PCDHGA6: variants seen among roughly 807,000 people sequenced by gnomAD.
The protein encoded by PCDHGA6 is protocadherin gamma subfamily A, 6, also known as protocadherin gamma-A6.
PCDHGA6 carries 41 observed loss-of-function variants against 60.6 expected under a neutral mutation model. That is an observed-to-expected ratio of 0.68 (90% CI 0.53 to 0.88). PCDHGA6 has a LOEUF of 0.88. Among genes scored for constraint, PCDHGA6 ranks in the 40% least tolerant of loss-of-function variants. The pLI is 0.00. For synonymous variants in PCDHGA6, 594 were observed against 524.4 expected (o/e 1.13, Z -1.81); for missense variants, 1,312 against 1,203.0 (o/e 1.09, Z -1.34).
In PCDHGA6 at chr5:141,432,285, C is replaced by A; in HGVS notation, c.2424+55778C>A. On this transcript the variant is annotated intron_variant, in intron 1 of 3. Transcript: ENST00000517434. The surrounding 1 kb of genome is among the most constrained non-coding windows in gnomAD (Gnocchi z 6.0). ...CTATCGTCCTACGTGTCCATCAACTCCGACACTGGGGTACTGTATGCGCTG... is the reference window on the plus strand; with the variant it reads ...CTATCGTCCTACGTGTCCATCAACTACGACACTGGGGTACTGTATGCGCTG... The A allele has an allele frequency of 6.2e-7, 1 of 1,614,262 alleles. No homozygotes were observed. The highest frequency in any genetic ancestry group is 8.5e-7 in the Non-Finnish European group (1 of 1,180,052).
intron 1 of PCDHGA6, chr5:141,427,212 C>T (rs2097000434): frequency 4.4e-6 from 2 of 456,702 alleles, no homozygotes; most frequent in Non-Finnish European, 8.8e-6. Flanking sequence ...CTTCGAATTT[C>T]GTAGCAGTTA....
chr5:141,463,086 GC>G (rs1171354311), intron 1 of PCDHGA6, among the ~76,000 whole-genome samples: 1 of 152,098 alleles, frequency 6.6e-6, no homozygotes, highest in African/African-American at 2.4e-5. Context: ...ACATTTTCCA[GC>G]CCTATGTGAC....
At chr5:141,398,989 T>G (rs766277028) in intron 1 of PCDHGA6, 2 of 1,613,796 alleles carry the variant, frequency 1.2e-6, no homozygotes, top group Non-Finnish European at 1.7e-6. Flanking sequence ...CGGGCAAATC[T>G]TTAGTCTGAA....
intron 1 of PCDHGA6, chr5:141,400,533 C>A (rs1416453682): frequency 6.2e-7 from 1 of 1,613,900 alleles, no homozygotes; most frequent in Non-Finnish European, 8.5e-7. Context: ...TGGTGAGTTT[C>A]ATTTATGTCT....
In PCDHGA6 at chr5:141,432,009, G is replaced by A. The variant is rs1227754190; in HGVS notation, c.2424+55502G>A. ...GTCTTGGATAGGGAACAGGTTCCTA[G>A]CTACAACATCACAGTGACCGCCACT... On this transcript the variant is annotated intron_variant, in intron 1 of 3. Coordinates refer to ENST00000517434, the MANE Select transcript of PCDHGA6 (RefSeq NM_018919.3). The surrounding 1 kb of genome is among the most constrained non-coding windows in gnomAD (Gnocchi z 6.0). The A allele has an allele frequency of 1.2e-6, 2 of 1,614,188 alleles. No homozygotes were observed. The highest frequency in any genetic ancestry group is 1.7e-6 in the Non-Finnish European group (2 of 1,180,024).
chr5:141,393,481 C>T, intron 1 of PCDHGA6: 1 of 1,614,066 alleles, frequency 6.2e-7, no homozygotes. Context: ...CCGCCTCGCT[C>T]TAGCACAGTG....
chr5:141,441,565 C>T (rs1049476318), intron 1 of PCDHGA6: 62 of 200,838 alleles, frequency 3.1e-4, no homozygotes, highest in African/African-American at 1.4e-3. Context: ...CAAGTAGACA[C>T]CTCCAACCTA....
intron 1 of PCDHGA6, chr5:141,393,237 AT>A: frequency 1.2e-6 from 2 of 1,613,802 alleles, no homozygotes; most frequent in South Asian, 1.1e-5. Flanking sequence ...AGAAGTAAAA[AT>A]TAACGAAATC....
At chr5:141,505,650 T>C (rs1595974645) in intron 3 of PCDHGA6, among the ~76,000 whole-genome samples, 169 bp downstream of exon 3, 1 of 152,094 alleles carries the variant, frequency 6.6e-6, no homozygotes, top group East Asian at 1.9e-4. Flanking sequence ...GAATTGTGGC[T>C]AAGGAACAGC....
rs112808093 is a variant in PCDHGA6, at chr5:141,489,579, C to A, written c.2425-5228C>A. ...CAGTGCAGGTGGTGACTGAACACCC[C>A]CTGGAGCTAATCCGTGTAGAGGTAG... On this transcript the variant is annotated intron_variant, in intron 1 of 3. Coordinates refer to ENST00000517434, the MANE Select transcript of PCDHGA6 (RefSeq NM_018919.3). This position sits in a 1 kb window ranked among gnomAD's most constrained non-coding sequence, Gnocchi z 4.5. 1.2e-6 allele frequency: 2 copies of A among 1,613,922 alleles called. No individual in the cohort carries two copies. Among genetic ancestry groups the A allele is most frequent in the African/African-American group, 2.7e-5 (2 of 74,916 alleles).
rs1229219386 is a variant in PCDHGA6 at position 141,375,036 on chromosome 5, G to A, written c.953G>A (p.Gly318Asp). Reference protein sequence around the residue: ...DYEDSSFYELGVEARDGPGLR... With the variant: ...DYEDSSFYELDVEARDGPGLR... ...GAGGACTCGAGTTTTTATGAGCTGG[G>A]TGTTGAAGCCCGGGATGGGCCAGGT... is the stretch of plus-strand genomic sequence containing the variant. The change falls in exon 1 of 4, where the codon GGT (glycine) becomes GAT (aspartate). Residue 318 changes from glycine (G) to aspartate (D), a missense_variant. Transcript: ENST00000517434. 6 of 1,614,002 alleles carry A rather than the reference G, an allele frequency of 3.7e-6. No individual in the cohort carries two copies. Among genetic ancestry groups the A allele is most frequent in the Admixed American group, 1.7e-5 (1 of 60,034 alleles).
intron 1 of PCDHGA6, chr5:141,427,916 G>T: frequency 1.3e-6 from 2 of 1,578,854 alleles, no homozygotes; most frequent in East Asian, 2.2e-5. Flanking sequence ...GCGCCAACAT[G>T]AGCCGGCGCA....
intron 1 of PCDHGA6, chr5:141,418,445 T>C (rs2154547687): frequency 2.5e-6 from 4 of 1,614,038 alleles, no homozygotes; most frequent in East Asian, 2.2e-5. Context: ...AGAATTAGTA[T>C]TGCAGAAGAC....
intron 1 of PCDHGA6, chr5:141,419,926 G>T: frequency 6.2e-7 from 1 of 1,614,096 alleles, no homozygotes; most frequent in South Asian, 1.1e-5. Flanking sequence ...CTGAGATGCA[G>T]TTTTACCTGG....
chr5:141,394,996 C>T (rs1331251272), intron 1 of PCDHGA6: 1 of 1,613,916 alleles, frequency 6.2e-7, no homozygotes, highest in African/African-American at 1.3e-5. Flanking sequence ...CTCCAGGATT[C>T]CGGTGGCAGA....
At position 141,375,485 on chromosome 5, in the gene PCDHGA6, G is replaced by A. The variant is rs1478417043; in HGVS notation, c.1402G>A (p.Gly468Ser). The change falls in exon 1 of 4, where the codon GGT becomes AGT. Residue 468 changes from glycine to serine, a missense_variant. Gly to Ser is a moderately conservative substitution (Grantham distance 56). Coordinates refer to ENST00000517434, the MANE Select transcript of PCDHGA6 (RefSeq NM_018919.3). ...CTATGTCCTTGAAAACAACCCCAGG[G>A]GTGCCTCCATCTTCTCTGTGAATGC... ...SVYVLENNPR[G>S]ASIFSVNALD... 1 of 1,613,794 alleles carries A rather than the reference G, an allele frequency of 6.2e-7. No homozygotes were observed. Among genetic ancestry groups the A allele is most frequent in the Non-Finnish European group, 8.5e-7 (1 of 1,179,942 alleles).
At chr5:141,384,606 A>AGATGGT in intron 1 of PCDHGA6, 1 of 1,614,152 alleles carries the variant, frequency 6.2e-7, no homozygotes, top group Non-Finnish European at 8.5e-7. Context: ...CCCTCCCCAC[A>AGATGGT]GATGGTTCTA....
rs759809591 is a variant in PCDHGA6 at position 141,511,048 on chromosome 5, C to T, written c.2674C>T (p.Arg892Cys). The change falls in exon 4 of 4, where the codon CGC becomes TGC. Residue 892 changes from arginine (R) to cysteine (C), a missense_variant. Coordinates refer to ENST00000517434, the MANE Select transcript of PCDHGA6 (RefSeq NM_018919.3). ...QFTLQHVPDY[R>C]QNVYIPGSNA... ...CACCCTGCAGCACGTGCCCGACTAC[C>T]GCCAGAATGTCTACATCCCAGGCAG... 9 of 1,614,224 alleles carry T rather than the reference C, an allele frequency of 5.6e-6. No individual in the cohort carries two copies. The highest frequency in any genetic ancestry group is 1.7e-5 in the Admixed American group (1 of 60,034).
At position 141,374,993 on chromosome 5, in the gene PCDHGA6, T is replaced by G. The variant is rs1439480761; in HGVS notation, c.910T>G (p.Ser304Ala). Residue 304 changes from serine to alanine, a missense_variant, in exon 1 of 4, where the codon TCT becomes GCT. Ser to Ala is a moderately conservative substitution (Grantham distance 99). Coordinates refer to ENST00000517434, the MANE Select transcript of PCDHGA6 (RefSeq NM_018919.3). ...TGTTTTGACTGGAGAAATTTCAACT[T>G]CTGCAAATCTAGACTATGAGGACTC... is the stretch of plus-strand genomic sequence containing the variant. ...LNVLTGEIST[S>A]ANLDYEDSSF... is the part of the protein sequence containing the mutation. The G allele has an allele frequency of 6.2e-7, 1 of 1,613,938 alleles. No homozygotes were observed. Among genetic ancestry groups the G allele is most frequent in the Non-Finnish European group, 8.5e-7 (1 of 1,179,916 alleles).
Sources: allele counts gnomAD v4.1 joint callset (sites outside exome capture counted in the v4.1 genomes callset), GRCh38; gene constraint gnomAD v4.1.1; non-coding constraint Gnocchi (gnomAD v3.1); transcripts MANE v1.5; gene names NCBI Gene and HGNC (gene_info 2026-07-23, HGNC 2026-07-21).